The following WDR75 variants were observed in gnomAD, a reference collection of about 807,000 sequenced individuals.
WDR75 encodes WD repeat domain 75, also known as WD repeat-containing protein 75.
WDR75 carries 52 observed loss-of-function variants against 106.1 expected under a neutral mutation model. That is an observed-to-expected ratio of 0.49 (90% CI 0.39 to 0.62). WDR75 has a LOEUF of 0.62. WDR75 is among the 20% of genes least tolerant of loss of function. The pLI is 0.00. For missense variants in WDR75, 905 were observed against 970.3 expected, an observed-to-expected ratio of 0.93 and a Z score of 0.89; for synonymous variants, 333 against 335.5, an observed-to-expected ratio of 0.99 and a Z score of 0.08.
intron 5 of WDR75, among the ~76,000 whole-genome samples, chr2:189,456,189 T>C (rs1686731142): frequency 6.6e-6 from 1 of 152,176 alleles, no homozygotes; most frequent in Admixed American, 6.5e-5. Flanking sequence ...ATCAAATAAA[T>C]ACTAATTAAA....
chr2:189,443,018 C>A (rs902784026), intron 1 of WDR75, among the ~76,000 whole-genome samples: 2 of 152,044 alleles, frequency 1.3e-5, no homozygotes, highest in African/African-American at 4.8e-5. Flanking sequence ...TTGCTAAGCC[C>A]AACAATTCAT....
intron 4 of WDR75, among the ~76,000 whole-genome samples, chr2:189,454,247 T>G (rs1686687028): frequency 6.6e-6 from 1 of 152,190 alleles, no homozygotes; most frequent in Non-Finnish European, 1.5e-5. Context: ...CGTAGGCTAT[T>G]GGAAGGACTT....
Position 189,473,689 on chromosome 2 carries a change from C to G in WDR75, c.2050-497C>G, listed in dbSNP as rs536469100. Among the ~76,000 whole-genome samples, 6 of 152,286 alleles carry G rather than the reference C, an allele frequency of 3.9e-5. No individual in the cohort carries two copies. The South Asian group carries it at 1.2e-3, about 32-fold the overall frequency. The stretch of plus-strand genomic sequence containing the variant: ...TGGTTTGTCTAGTCCCATTTTCACC[C>G]CACATCCAGAGTTACTATTATTACC... On this transcript the variant is annotated intron_variant, in intron 18 of 20. Transcript: ENST00000314761.
chr2:189,470,175 CT>C lies in WDR75; in HGVS notation c.1920del (p.Glu641AsnfsTer11). On this transcript the variant is annotated frameshift_variant, in exon 17 of 21. Transcript: ENST00000314761. LOFTEE classifies it high-confidence loss of function. ...QWGVFVPRDV[P>X]ESFTSEAYQW... The stretch of plus-strand genomic sequence containing the variant: ...GGAGTGTTTGTTCCACGAGATGTCC[CT>C]GAATCCTTCACCTCAGAAGCTTACC... 6.2e-7 allele frequency: 1 copy of C among 1,613,562 alleles called. No homozygotes were observed. Among genetic ancestry groups the C allele is most frequent in the South Asian group, 1.1e-5 (1 of 91,034 alleles).
At chr2:189,450,434 C>T in intron 2 of WDR75, 1 of 899,574 alleles carries the variant, frequency 1.1e-6, no homozygotes. Context: ...TTGATCTCAG[C>T]TCACTGCAAC....
intron 1 of WDR75, among the ~76,000 whole-genome samples, chr2:189,448,095 A>G (rs1304227266): frequency 6.6e-6 from 1 of 152,152 alleles, no homozygotes; most frequent in East Asian, 1.9e-4. Flanking sequence ...GCCTTCCACC[A>G]TGATTGTGAA....
chr2:189,453,842 C>A (rs1451047817), intron 4 of WDR75, among the ~76,000 whole-genome samples: 1 of 152,150 alleles, frequency 6.6e-6, no homozygotes, highest in Non-Finnish European at 1.5e-5. Context: ...AGCCCAAAAC[C>A]AGACTCTCTG....
chr2:189,457,285 T>C (rs980002935), intron 5 of WDR75, 26 bp from the exon 6 acceptor site: 4 of 1,483,788 alleles, frequency 2.7e-6, no homozygotes, highest in Non-Finnish European at 3.7e-6. Flanking sequence ...TTTTTGTGAA[T>C]GTTTATCTTC....
At chr2:189,474,518 G>C (rs1687174471) in intron 19 of WDR75, among the ~76,000 whole-genome samples, 186 bp downstream of exon 19, 1 of 152,196 alleles carries the variant, frequency 6.6e-6, no homozygotes, top group Non-Finnish European at 1.5e-5. Context: ...ACCTGGTGTA[G>C]GGATAGGGGT....
rs1686800393 is a variant in WDR75, at chr2:189,458,866, G to A, written c.683G>A (p.Arg228His). ...TCTGGTCACATGGATGGCAAAATTCGTCTTTGGTCAGTTTGCTCATGAAGA... is the reference window on the plus strand; with the variant it reads ...TCTGGTCACATGGATGGCAAAATTCATCTTTGGTCAGTTTGCTCATGAAGA... ...IASGHMDGKI[R>H]LWRNFYDDKK... The change falls in exon 7 of 21, where the codon CGT (arginine) becomes CAT (histidine). Residue 228 changes from arginine to histidine, a missense_variant. Arg to His is a conservative substitution (Grantham distance 29). Coordinates refer to ENST00000314761, the MANE Select transcript of WDR75 (RefSeq NM_032168.3). 1 of 1,600,500 alleles carries A rather than the reference G, an allele frequency of 6.2e-7. No individual in the cohort carries two copies. The highest frequency in any genetic ancestry group is 8.5e-7 in the Non-Finnish European group (1 of 1,174,372).
chr2:189,463,553 C>A, intron 9 of WDR75, 141 bp from the exon 10 acceptor site: 1 of 703,746 alleles, frequency 1.4e-6, no homozygotes, highest in Non-Finnish European at 2.3e-6. Flanking sequence ...AGCTGATGAG[C>A]TAAAAATAAT....
rs759069859 is a variant in WDR75 at position 189,463,884 on chromosome 2, A to G, written c.1036A>G (p.Thr346Ala). The change falls in exon 11 of 21, where the codon ACT (threonine) becomes GCT (alanine). Residue 346 changes from threonine to alanine, a missense_variant. Transcript: ENST00000314761. ...IFTGLMIDPR[T>A]KALVLNGKPG... The stretch of plus-strand genomic sequence containing the variant: ...CACTGGTTTGATGATTGATCCAAGA[A>G]CTAAAGCTTTGGTTTTGAATGGAAA... The G allele has an allele frequency of 8.1e-6, 13 of 1,613,928 alleles. No homozygotes were observed. The highest frequency in any genetic ancestry group is 1.1e-5 in the South Asian group (1 of 91,080).
chr2:189,474,854 C>A, intron 20 of WDR75, 46 bp downstream of exon 20: 1 of 1,470,056 alleles, frequency 6.8e-7, no homozygotes, highest in Non-Finnish European at 9.5e-7. Flanking sequence ...TTTTGGGAAA[C>A]AGGATCGTTT....
At chr2:189,464,745 G>A (rs1375426564) in intron 11 of WDR75, among the ~76,000 whole-genome samples, 1 of 152,034 alleles carries the variant, frequency 6.6e-6, no homozygotes, top group Non-Finnish European at 1.5e-5. Context: ...TTGAGATGAT[G>A]TAAAGCTGTT....
chr2:189,446,915 T>G (rs922001635), intron 1 of WDR75, among the ~76,000 whole-genome samples: 1 of 152,170 alleles, frequency 6.6e-6, no homozygotes, highest in Non-Finnish European at 1.5e-5. Context: ...ACATAAGTAC[T>G]TCAGTACAGC....
At chr2:189,462,199 C>A (rs184855562) in intron 8 of WDR75, among the ~76,000 whole-genome samples, 1 of 151,696 alleles carries the variant, frequency 6.6e-6, no homozygotes, top group East Asian at 1.9e-4. Flanking sequence ...AAAAATTTAT[C>A]AGTGAAGCTA....
At chr2:189,446,889 AATAAGGGTTACTTGAAC>A (rs1438487039) in intron 1 of WDR75, among the ~76,000 whole-genome samples, 1 of 152,204 alleles carries the variant, frequency 6.6e-6, no homozygotes, top group Non-Finnish European at 1.5e-5. Context: ...TATTAAGTAA[AATAAGGGTTACTTGAAC>A]ATAAGTACTT....
At chr2:189,443,611 T>C (rs13427692) in intron 1 of WDR75, among the ~76,000 whole-genome samples, 6,888 of 152,216 alleles carry the variant, frequency 0.045, 197 homozygotes, top group African/African-American at 0.069. Flanking sequence ...CTGATGTACA[T>C]AAAGTACAGT....
intron 8 of WDR75, among the ~76,000 whole-genome samples, chr2:189,460,306 T>G (rs112634559): frequency 0.065 from 9,854 of 152,086 alleles, 495 homozygotes; most frequent in African/African-American, 0.14. Context: ...ATCCTTAGAG[T>G]CTTACTTGGG....
Sources: gnomAD v4.1 joint callset for allele counts (sites outside exome capture counted in the v4.1 genomes callset) on GRCh38, gnomAD v4.1.1 for gene constraint, MANE v1.5 for transcripts, NCBI Gene and HGNC (gene_info 2026-07-23, HGNC 2026-07-21) for gene names.